The following BCOR variants were observed in gnomAD, a reference collection of about 807,000 sequenced individuals.
The protein encoded by BCOR is BCL6 corepressor, also known as BCL-6 corepressor.
In BCOR, 10 loss-of-function variants were observed where a neutral mutation model predicts 86.7. That is an observed-to-expected ratio of 0.12 (90% CI 0.07 to 0.20). BCOR has a LOEUF of 0.20. Among genes scored for constraint, BCOR ranks in the 10% least tolerant of loss-of-function variants. The pLI, the probability that BCOR is intolerant of heterozygous loss-of-function variation, is 1.00. For synonymous variants in BCOR, 611 were observed against 609.0 expected (o/e 1.00, Z -0.05); for missense variants, 1,259 against 1,452.1 (o/e 0.87, Z 2.16).
intron 1 of BCOR, among the ~76,000 whole-genome samples, chrX:40,096,376 T>C (rs1003737953): frequency 9.1e-6 from 1 of 110,109 alleles, no homozygotes; most frequent in Non-Finnish European, 1.9e-5. Context: ...ACGCTGAACA[T>C]CGGGGAGGGA....
At chrX:40,110,365 A>G (rs1005356592) in intron 1 of BCOR, among the ~76,000 whole-genome samples, 2 of 111,854 alleles carry the variant, frequency 1.8e-5, no homozygotes, top group South Asian at 3.7e-4. Context: ...TATACAATTT[A>G]CAAGACCATC....
chrX:40,067,481 C>T (rs970384291), intron 6 of BCOR, among the ~76,000 whole-genome samples: 2 of 112,091 alleles, frequency 1.8e-5, no homozygotes, highest in African/African-American at 3.2e-5. Flanking sequence ...CCCGTTCAGC[C>T]GGACAGGGCC....
intron 1 of BCOR, among the ~76,000 whole-genome samples, chrX:40,161,203 T>G (rs1047389577): frequency 9.5e-6 from 1 of 105,681 alleles, no homozygotes; most frequent in African/African-American, 3.5e-5. Flanking sequence ...TTGGGGTTTT[T>G]TTTTGTTTTT....
At chrX:40,107,692 CG>C (rs1937217439) in intron 1 of BCOR, among the ~76,000 whole-genome samples, 1 of 112,918 alleles carries the variant, frequency 8.9e-6, no homozygotes, top group African/African-American at 3.2e-5. Flanking sequence ...GCCCGCGGGG[CG>C]GGCCTCCTGA....
At chrX:40,153,294 A>G (rs1938209855) in intron 1 of BCOR, among the ~76,000 whole-genome samples, 1 of 112,707 alleles carries the variant, frequency 8.9e-6, no homozygotes, top group Admixed American at 9.2e-5. Flanking sequence ...GAGGAAGCAA[A>G]GACCCAGGGG....
In BCOR at chrX:40,077,286, C is replaced by T. The variant is rs766079382; in HGVS notation, c.86+558G>A. The stretch of plus-strand genomic sequence containing the variant: ...ACAAGCGGCAGAGGAAAAGTTTCCT[C>T]ATTACCCCGAAGAGCAGCTTCAATC... On this transcript the variant is annotated intron_variant, in intron 2 of 14. Transcript: ENST00000378444. 8.3e-4 allele frequency: 120 copies of T among 144,851 alleles called. 1 individual carries two copies. Among genetic ancestry groups the T allele is most frequent in the Non-Finnish European group, 1.5e-3 (113 of 74,547 alleles). The allele number at this position is 144,851 out of a possible 1,213,427, so 11.9% of individuals were successfully genotyped here.
At chrX:40,147,111 A>G (rs1481751693) in intron 1 of BCOR, among the ~76,000 whole-genome samples, 1 of 110,688 alleles carries the variant, frequency 9.0e-6, no homozygotes, top group African/African-American at 3.3e-5. Flanking sequence ...CGGCTAATCC[A>G]CCGAGAGTCC....
intron 1 of BCOR, among the ~76,000 whole-genome samples, chrX:40,133,102 G>A (rs1456332473): frequency 9.0e-6 from 1 of 111,091 alleles, no homozygotes; most frequent in Non-Finnish European, 1.9e-5. Context: ...CTCATGATCT[G>A]AGCTCATCTG....
At chrX:40,123,899 T>C (rs771914677) in intron 1 of BCOR, among the ~76,000 whole-genome samples, 2 of 110,413 alleles carry the variant, frequency 1.8e-5, no homozygotes, top group Non-Finnish European at 3.8e-5. Context: ...CACCAATCCA[T>C]AGCAAGCAAA....
At chrX:40,092,902 G>A in intron 1 of BCOR, among the ~76,000 whole-genome samples, 1 of 112,470 alleles carries the variant, frequency 8.9e-6, no homozygotes, top group Non-Finnish European at 1.9e-5. Flanking sequence ...CTGTACCCAA[G>A]TCGGTCTCAC....
intron 6 of BCOR, 90 bp from the exon 7 acceptor site, chrX:40,064,689 C>A: frequency 3.9e-6 from 4 of 1,021,180 alleles, no homozygotes; most frequent in Non-Finnish European, 5.4e-6. Context: ...CCACCATGCC[C>A]AAGGTAATCT....
chrX:40,085,119 G>A (rs989934994), intron 1 of BCOR, among the ~76,000 whole-genome samples: 3 of 113,225 alleles, frequency 2.6e-5, no homozygotes, highest in Non-Finnish European at 5.6e-5. Context: ...AAAATGCCCC[G>A]AACAGCGCTG....
chrX:40,160,011 T>G (rs1006365023), intron 1 of BCOR, among the ~76,000 whole-genome samples: 1 of 112,800 alleles, frequency 8.9e-6, no homozygotes, highest in Non-Finnish European at 1.9e-5. Context: ...ATGAATTTAG[T>G]AAGGCATTGT....
Position 40,160,694 on chromosome X carries a change from C to T in BCOR, c.-41+16313G>A, listed in dbSNP as rs1481807227. ...TTTTTTTTTTTTTTAGATGGTGTCT[C>T]GCTCTCTCGCCCAGGCTGGAGTGCA... is the stretch of plus-strand genomic sequence containing the variant. On this transcript the variant is annotated intron_variant, in intron 1 of 14. Transcript: ENST00000342274. Among the ~76,000 whole-genome samples, 3 of 90,141 alleles carry T rather than the reference C, an allele frequency of 3.3e-5. 1 individual carries two copies. The highest frequency in any genetic ancestry group is 6.4e-5 in the Non-Finnish European group (3 of 47,157). 78.3% of individuals were successfully genotyped at this position (90,141 alleles called of 115,157 possible). A position where few individuals can be genotyped will look rare whatever the true frequency, so the allele number is the denominator to read the frequency against.
intron 10 of BCOR, 121 bp downstream of exon 10, chrX:40,062,018 C>T (rs994255854): frequency 2.8e-5 from 26 of 920,167 alleles, no homozygotes; most frequent in Middle Eastern, 3.8e-4. Context: ...GTTGGAGCAC[C>T]GGCCCAGCCC....
intron 14 of BCOR, 24 bp from the exon 15 acceptor site, chrX:40,052,424 T>C (rs758902808): frequency 8.3e-7 from 1 of 1,202,623 alleles, no homozygotes; most frequent in East Asian, 3.0e-5. Context: ...AGGAAAATGC[T>C]TTGAGTTTCC....
At chrX:40,098,529 G>A (rs1937000552), upstream of BCOR, among the ~76,000 whole-genome samples, 1 of 111,510 alleles carries the variant, frequency 9.0e-6, no homozygotes, top group African/African-American at 3.3e-5. Context: ...CTACCCAGAA[G>A]GCCAGTGGAG....
chrX:40,114,281 G>C (rs777673443), intron 1 of BCOR, among the ~76,000 whole-genome samples: 1 of 111,257 alleles, frequency 9.0e-6, no homozygotes, highest in South Asian at 3.8e-4. Flanking sequence ...TTAGGAAAGT[G>C]AAGCATAAGG....
intron 1 of BCOR, among the ~76,000 whole-genome samples, chrX:40,079,135 T>A (rs776842018): frequency 6.3e-5 from 7 of 111,158 alleles, no homozygotes; most frequent in Non-Finnish European, 1.3e-4. Context: ...CATGGCATTT[T>A]TCCACGGGAC....
Sources: allele counts gnomAD v4.1 joint callset (sites outside exome capture counted in the v4.1 genomes callset), GRCh38; gene constraint gnomAD v4.1.1; transcripts MANE v1.5; gene names NCBI Gene and HGNC (gene_info 2026-07-23, HGNC 2026-07-21).